The following CEP152 variants were observed in gnomAD, a reference collection of about 807,000 sequenced individuals.
CEP152 encodes the protein centrosomal protein 152.
Under a neutral mutation model 188.9 loss-of-function variants are expected in CEP152, and 132 were observed. The observed-to-expected ratio is 0.70, with a 90% confidence interval of 0.61 to 0.81. The LOEUF (loss-of-function observed/expected upper bound fraction) is 0.81. Ranked by LOEUF, CEP152 falls within the 30% of genes least tolerant of loss-of-function variation. The pLI, the probability that CEP152 is intolerant of heterozygous loss-of-function variation, is 0.00. For missense variants in CEP152, 1,914 were observed against 1,969.8 expected (o/e 0.97, Z 0.54); for synonymous variants, 649 against 666.6 (o/e 0.97, Z 0.41).
chr15:48,775,928 AAAAAAG>A (rs1185840047), intron 12 of CEP152, among the ~76,000 whole-genome samples: 2 of 152,094 alleles, frequency 1.3e-5, no homozygotes, highest in African/African-American at 4.8e-5. Flanking sequence ...ACAGTAAAAA[AAAAAAG>A]AAAAGAAAAC....
chr15:48,785,079 G>T (rs1896535492), intron 9 of CEP152, among the ~76,000 whole-genome samples: 1 of 152,048 alleles, frequency 6.6e-6, no homozygotes, highest in Non-Finnish European at 1.5e-5. Flanking sequence ...GAAATAAGAA[G>T]AATACTGAGA....
intron 18 of CEP152, among the ~76,000 whole-genome samples, chr15:48,761,539 T>C (rs1400906134): frequency 6.6e-6 from 1 of 152,214 alleles, no homozygotes; most frequent in Non-Finnish European, 1.5e-5. Context: ...TTATTGCTGT[T>C]CTCTCATGCA....
At chr15:48,800,224 T>C (rs574858333) in intron 2 of CEP152, among the ~76,000 whole-genome samples, 2 of 152,324 alleles carry the variant, frequency 1.3e-5, no homozygotes, top group South Asian at 4.1e-4. Flanking sequence ...AAATCATCCC[T>C]ATAGTATTCA....
At chr15:48,748,304 A>G (rs1192950064) in intron 22 of CEP152, 139 bp downstream of exon 22, 2 of 1,279,522 alleles carry the variant, frequency 1.6e-6, no homozygotes, top group Non-Finnish European at 2.0e-6. Flanking sequence ...TAATTTGATT[A>G]GTAAAAATAA....
chr15:48,797,122 A>G (rs973489950), intron 5 of CEP152, among the ~76,000 whole-genome samples, 179 bp downstream of exon 5: 5 of 152,242 alleles, frequency 3.3e-5, no homozygotes, highest in African/African-American at 1.2e-4. Flanking sequence ...ATTGTATTAG[A>G]CTGTAAACAG....
chr15:48,782,015 A>G, intron 11 of CEP152, 124 bp downstream of exon 11: 1 of 805,654 alleles, frequency 1.2e-6, no homozygotes, highest in Non-Finnish European at 2.1e-6. Context: ...AACAACTCCC[A>G]TGGGCTGGTT....
intron 19 of CEP152, 51 bp downstream of exon 19, chr15:48,760,084 A>C: frequency 1.9e-6 from 3 of 1,612,300 alleles, no homozygotes; most frequent in Non-Finnish European, 2.5e-6. Context: ...AGATAAGAGA[A>C]GGGGTCAGGT....
intron 26 of CEP152, 162 bp downstream of exon 26, chr15:48,741,439 A>T: frequency 6.7e-7 from 1 of 1,484,702 alleles, no homozygotes; most frequent in Non-Finnish European, 8.9e-7. Context: ...TAAATTGGAA[A>T]CTGTGTACTC....
chr15:48,748,437 G>T lies in CEP152; in HGVS notation c.3634+6C>A. ...TATTGGTAGCAGTGCTACTTTAAAT[G>T]CTAACCTCCAATTTTTTCCACTACA... On this transcript the variant is annotated splice_donor_region_variant and intron_variant, in intron 22 of 26. Coordinates refer to ENST00000380950, the MANE Select transcript of CEP152 (RefSeq NM_001194998.2). 4.6e-6 allele frequency: 7 copies of T among 1,526,484 alleles called. No individual in the cohort carries two copies. The highest frequency in any genetic ancestry group is 6.1e-6 in the Non-Finnish European group (7 of 1,142,934). The allele number at this position is 1,526,484 out of a possible 1,614,324, so 94.6% of individuals were successfully genotyped here.
chr15:48,791,010 C>G (rs1281662399), intron 8 of CEP152, among the ~76,000 whole-genome samples: 3 of 152,074 alleles, frequency 2.0e-5, no homozygotes, highest in Non-Finnish European at 1.5e-5. Context: ...CCACTTTAAA[C>G]TCAAGTTTAA....
At chr15:48,768,546 C>T (rs186557268) in intron 14 of CEP152, among the ~76,000 whole-genome samples, 5 of 152,222 alleles carry the variant, frequency 3.3e-5, no homozygotes, top group South Asian at 2.1e-4. Context: ...CAGGACTAAA[C>T]GTTTAAATTT....
intron 13 of CEP152, 31 bp downstream of exon 13, chr15:48,772,456 A>G: frequency 1.3e-6 from 2 of 1,582,148 alleles, no homozygotes; most frequent in Non-Finnish European, 1.7e-6. Flanking sequence ...CCTTTTAAAA[A>G]TGGTTTTTTA....
intron 20 of CEP152, among the ~76,000 whole-genome samples, chr15:48,753,175 A>G (rs933142354): frequency 6.6e-5 from 10 of 152,132 alleles, no homozygotes; most frequent in Non-Finnish European, 7.4e-5. Flanking sequence ...GTCCTCCTCT[A>G]TCGGCCAGGC....
At position 48,781,360 on chromosome 15, in the gene CEP152, C is replaced by A. The variant is rs1450163617; in HGVS notation, c.1414-1G>T. The A allele has an allele frequency of 6.3e-7, 1 of 1,588,688 alleles. No homozygotes were observed. Among genetic ancestry groups the A allele is most frequent in the Non-Finnish European group, 8.6e-7 (1 of 1,158,668 alleles). ...CATCTTTTAGTTCTGTTAATTCTTC[C>A]TACAACACAAAATTATTAAAAATAA... On this transcript the variant is annotated splice_acceptor_variant, in intron 11 of 26. Coordinates refer to ENST00000380950, the MANE Select transcript of CEP152 (RefSeq NM_001194998.2). LOFTEE classifies it high-confidence loss of function.
chr15:48,800,174 T>C (rs1897588417), intron 2 of CEP152, among the ~76,000 whole-genome samples: 1 of 152,202 alleles, frequency 6.6e-6, no homozygotes, highest in Non-Finnish European at 1.5e-5. Flanking sequence ...AATCAGCTAA[T>C]CAAAATGCTT....
chr15:48,768,495 A>G (rs1428116357), intron 14 of CEP152, among the ~76,000 whole-genome samples, 167 bp from the exon 15 acceptor site: 1 of 152,236 alleles, frequency 6.6e-6, no homozygotes, highest in Non-Finnish European at 1.5e-5. Flanking sequence ...TCACGCTTTG[A>G]TAAGAACATA....
rs1240239254 is a variant in CEP152 at position 48,748,461 on chromosome 15, C to T, written c.3616G>A (p.Val1206Ile). ...LQHLERKHKA[V>I]VEKIGEENNK... ...TGCTAACCTCCAATTTTTTCCACTA[C>T]AGCTTTGTGCTTCCTTTCTAAATGC... The change falls in exon 22 of 27, where the codon GTA (valine) becomes ATA (isoleucine). Residue 1206 changes from valine to isoleucine, a missense_variant. Physicochemically the swap from Val to Ile is conservative, Grantham distance 29. Coordinates refer to ENST00000380950, the MANE Select transcript of CEP152 (RefSeq NM_001194998.2). 10 of 1,532,188 alleles carry T rather than the reference C, an allele frequency of 6.5e-6. No homozygotes were observed. In the South Asian group the frequency reaches 8.4e-5, roughly 13 times the overall value. The allele number at this position is 1,532,188 out of a possible 1,614,324, so 94.9% of individuals were successfully genotyped here.
chr15:48,801,472 T>C (rs913710573), intron 2 of CEP152, among the ~76,000 whole-genome samples: 1 of 152,158 alleles, frequency 6.6e-6, no homozygotes, highest in African/African-American at 2.4e-5. Flanking sequence ...ACCTAAACCA[T>C]CTACCTTTCT....
At chr15:48,768,443 T>G (rs2140761849) in intron 14 of CEP152, 115 bp from the exon 15 acceptor site, 3 of 639,980 alleles carry the variant, frequency 4.7e-6, no homozygotes, top group Non-Finnish European at 8.2e-6. Context: ...ATAACAATAT[T>G]TGACATATTA....
Sources: gnomAD v4.1 joint callset for allele counts (sites outside exome capture counted in the v4.1 genomes callset) on GRCh38, gnomAD v4.1.1 for gene constraint, MANE v1.5 for transcripts, NCBI Gene and HGNC (gene_info 2026-07-23, HGNC 2026-07-21) for gene names.